Variants in ACTL8 observed in about 807,000 individuals in gnomAD.
The protein encoded by ACTL8 is actin like 8.
Under a neutral mutation model 9.3 loss-of-function variants are expected in ACTL8, and 3 were observed. That is an observed-to-expected ratio of 0.32 (90% CI 0.15 to 0.83). The LOEUF (loss-of-function observed/expected upper bound fraction) is 0.83. Ranked by LOEUF, ACTL8 falls within the 40% of genes least tolerant of loss-of-function variation. ACTL8 has a pLI of 0.57. For missense variants in ACTL8, 381 were observed against 492.2 expected (o/e 0.77, Z 2.14); for synonymous variants, 224 against 205.9 (o/e 1.09, Z -0.75).
chr1:17,764,639 C>T (rs1184957770), intron 1 of ACTL8, among the ~76,000 whole-genome samples: 1 of 152,130 alleles, frequency 6.6e-6, no homozygotes, highest in Non-Finnish European at 1.5e-5. Context: ...CTTGTGTCGC[C>T]CCCACGCTGT....
chr1:17,799,940 T>G (rs1430459749), intron 1 of ACTL8, among the ~76,000 whole-genome samples: 1 of 152,084 alleles, frequency 6.6e-6, no homozygotes, highest in Admixed American at 6.5e-5. Context: ...TCTCTGCTGT[T>G]CCGTTGGTCT....
chr1:17,825,240 T>A (rs182270651), intron 2 of ACTL8, among the ~76,000 whole-genome samples: 93 of 152,206 alleles, frequency 6.1e-4, no homozygotes, highest in Non-Finnish European at 1.1e-3. Flanking sequence ...GCAGTGAGCA[T>A]CTTTTCCCTT....
chr1:17,780,693 G>A (rs1449749128), intron 1 of ACTL8, among the ~76,000 whole-genome samples: 1 of 130,906 alleles, frequency 7.6e-6, no homozygotes, highest in East Asian at 2.3e-4. Flanking sequence ...TTGGTTGACA[G>A]TGCAGTCCTG....
chr1:17,806,663 A>C (rs555179), intron 1 of ACTL8, among the ~76,000 whole-genome samples: 58,385 of 152,190 alleles, frequency 0.38, 11,840 homozygotes, highest in East Asian at 0.44. Context: ...TTGTAGCCAG[A>C]CAAAGCCCAG....
intron 1 of ACTL8, among the ~76,000 whole-genome samples, chr1:17,782,608 G>C (rs577627172): frequency 6.6e-6 from 1 of 152,264 alleles, no homozygotes; most frequent in East Asian, 1.9e-4. Context: ...GTGAAGAAGT[G>C]CTCATGAAAC....
chr1:17,798,884 C>T lies in ACTL8; in HGVS notation c.-24-24101C>T, dbSNP rs530845167. On this transcript the variant is annotated intron_variant, in intron 1 of 2. Transcript: ENST00000375406. ...CAGGCGTTTGCCTTAACCGACATCA[C>T]TAGTCTTGTGCTATTTAAGTTCTTG... Among the ~76,000 whole-genome samples, 13 of 152,340 alleles carry T rather than the reference C, an allele frequency of 8.5e-5. No homozygotes were observed. The East Asian group carries it at 1.5e-3, about 18-fold the overall frequency.
chr1:17,808,395 T>G (rs1398649118), intron 1 of ACTL8, among the ~76,000 whole-genome samples: 1 of 152,212 alleles, frequency 6.6e-6, no homozygotes, highest in African/African-American at 2.4e-5. Flanking sequence ...ATCTGAAGAC[T>G]ACGGTGTAGA....
intron 1 of ACTL8, among the ~76,000 whole-genome samples, chr1:17,783,076 T>A (rs983355796): frequency 2.0e-5 from 3 of 151,458 alleles, no homozygotes; most frequent in African/African-American, 7.3e-5. Context: ...CAAGAACAGG[T>A]CTTGCTTCCA....
At chr1:17,789,214 T>C (rs1422577817) in intron 1 of ACTL8, among the ~76,000 whole-genome samples, 1 of 152,106 alleles carries the variant, frequency 6.6e-6, no homozygotes, top group Non-Finnish European at 1.5e-5. Flanking sequence ...TTGGTCCTCT[T>C]ACCTTCAGCG....
chr1:17,770,053 T>G (rs1319348647), intron 1 of ACTL8, among the ~76,000 whole-genome samples: 1 of 152,208 alleles, frequency 6.6e-6, no homozygotes, highest in Admixed American at 6.5e-5. Flanking sequence ...TATGTTGATT[T>G]GTATTTATTG....
chr1:17,774,596 A>G (rs184318960), intron 1 of ACTL8, among the ~76,000 whole-genome samples: 108 of 152,268 alleles, frequency 7.1e-4, no homozygotes, highest in African/African-American at 2.5e-3. Flanking sequence ...AAGGGTGTTC[A>G]GGCAGCAGGA....
In ACTL8 at chr1:17,826,870, G is replaced by A; in HGVS notation, c.*351G>A. The A allele has an allele frequency of 5.8e-6, 1 of 173,446 alleles. No homozygotes were observed. The highest frequency in any genetic ancestry group is 1.2e-5 in the Non-Finnish European group (1 of 82,466). 10.7% of individuals were successfully genotyped at this position (173,446 alleles called of 1,614,324 possible). On this transcript the variant is annotated 3_prime_UTR_variant, in exon 3 of 3. Transcript: ENST00000375406. This position sits in a 1 kb window ranked among gnomAD's most constrained non-coding sequence, Gnocchi z 4.5. Reference sequence around the variant, plus strand: ...TGTCTCATTCTTCTTGGTTGAGTAGGTTTTAACTGGGGTAGCACTCCTGCT... The same window carrying A: ...TGTCTCATTCTTCTTGGTTGAGTAGATTTTAACTGGGGTAGCACTCCTGCT...
chr1:17,765,967 A>G (rs1199869224), intron 1 of ACTL8, among the ~76,000 whole-genome samples: 2 of 152,216 alleles, frequency 1.3e-5, no homozygotes, highest in African/African-American at 4.8e-5. Context: ...AGAGCAGCCA[A>G]CTTCCTGTGG....
intron 1 of ACTL8, among the ~76,000 whole-genome samples, chr1:17,822,739 G>A (rs2053673791): frequency 6.6e-6 from 1 of 152,136 alleles, no homozygotes; most frequent in Non-Finnish European, 1.5e-5. Context: ...AGTGGGAGAA[G>A]CTGAGTGGGC....
rs575726659 is a variant in ACTL8, at chr1:17,812,425, T to C, written c.-24-10560T>C. Among the ~76,000 whole-genome samples, 449 of 148,812 alleles carry C rather than the reference T, an allele frequency of 3.0e-3. 2 individuals carry two copies. The highest frequency in any genetic ancestry group is 0.01 in the African/African-American group (411 of 40,148). On this transcript the variant is annotated intron_variant, in intron 1 of 2. Transcript: ENST00000375406. Reference sequence around the variant, plus strand: ...GTGAACATAGCATATCTATTTTTTTTCCTTTTTTTTTTTTTTTTTTTTGAG... The same window carrying C: ...GTGAACATAGCATATCTATTTTTTTCCCTTTTTTTTTTTTTTTTTTTTGAG...
intron 1 of ACTL8, among the ~76,000 whole-genome samples, chr1:17,777,856 C>T (rs2066128214): frequency 6.6e-6 from 1 of 152,152 alleles, no homozygotes. Flanking sequence ...TACCACCATG[C>T]CCGGCTAATT....
chr1:17,762,442 C>T (rs570574989), intron 1 of ACTL8, among the ~76,000 whole-genome samples: 2 of 152,246 alleles, frequency 1.3e-5, no homozygotes, highest in East Asian at 1.9e-4. Flanking sequence ...GCTGTGGCTA[C>T]GCTTTCAGAC....
intron 1 of ACTL8, among the ~76,000 whole-genome samples, chr1:17,807,480 G>A (rs1307295721): frequency 6.6e-6 from 1 of 152,158 alleles, no homozygotes; most frequent in Non-Finnish European, 1.5e-5. Flanking sequence ...CTAGAGTTGT[G>A]CTGGGGAAAC....
chr1:17,825,669 C>G, intron 2 of ACTL8, 98 bp from the exon 3 acceptor site: 1 of 1,469,218 alleles, frequency 6.8e-7, no homozygotes, highest in Non-Finnish European at 9.1e-7. Context: ...TGGGGCAGCC[C>G]GAGAGTCCCC....
Sources: allele counts gnomAD v4.1 joint callset (sites outside exome capture counted in the v4.1 genomes callset), GRCh38; gene constraint gnomAD v4.1.1; non-coding constraint Gnocchi (gnomAD v3.1); transcripts MANE v1.5; gene names NCBI Gene and HGNC (gene_info 2026-07-23, HGNC 2026-07-21).